Variants in SPAG17 observed in about 807,000 individuals in gnomAD.
SPAG17 encodes sperm-associated antigen 17.
SPAG17 carries 169 observed loss-of-function variants against 273.6 expected under a neutral mutation model. That is an observed-to-expected ratio of 0.62 (90% CI 0.55 to 0.70). The LOEUF is 0.70. Ranked by LOEUF, SPAG17 falls within the 30% of genes least tolerant of loss-of-function variation. The pLI, the probability that SPAG17 is intolerant of heterozygous loss-of-function variation, is 0.00. For synonymous variants in SPAG17, 825 were observed against 873.2 expected (o/e 0.94, Z 0.97); for missense variants, 2,557 against 2,627.8 (o/e 0.97, Z 0.59).
At chr1:117,969,066 A>G (rs1654242646) in intron 46 of SPAG17, among the ~76,000 whole-genome samples, 1 of 152,246 alleles carries the variant, frequency 6.6e-6, no homozygotes, top group South Asian at 2.1e-4. Flanking sequence ...TGATGCACTG[A>G]TAAAGACAAA....
intron 3 of SPAG17, among the ~76,000 whole-genome samples, chr1:118,144,728 G>A (rs913743503): frequency 1.3e-5 from 2 of 152,148 alleles, no homozygotes; most frequent in Non-Finnish European, 2.9e-5. Flanking sequence ...GGAAAGATCC[G>A]CAGATTCTGA....
chr1:118,101,894 A>T lies in SPAG17; in HGVS notation c.480T>A (p.Asp160Glu). 1 of 1,613,104 alleles carries T rather than the reference A, an allele frequency of 6.2e-7. No individual in the cohort carries two copies. Among genetic ancestry groups the T allele is most frequent in the Non-Finnish European group, 8.5e-7 (1 of 1,179,760 alleles). ...VIEDKPKLEKDKGKAKSPKEK... is the reference protein window; with the variant it reads ...VIEDKPKLEKEKGKAKSPKEK... ...CCTTGGGAGATTTTGCTTTCCCTTT[A>T]TCCTTTTCTAACTTAGGTTTGTCTT... Residue 160 changes from aspartate (D) to glutamate (E), a missense_variant, in exon 5 of 49, where the codon GAT becomes GAA. Transcript: ENST00000336338.
intron 48 of SPAG17, chr1:117,955,454 G>A: frequency 8.4e-7 from 1 of 1,193,346 alleles, no homozygotes; most frequent in Non-Finnish European, 1.2e-6. Context: ...ATAATTGATG[G>A]TTATCTTATA....
chr1:118,136,913 T>C (rs1658399618), intron 3 of SPAG17, among the ~76,000 whole-genome samples: 2 of 152,026 alleles, frequency 1.3e-5, no homozygotes, highest in East Asian at 3.9e-4. Context: ...GCATAGGGAA[T>C]TGAAACAAGT....
chr1:118,045,881 C>T (rs916079900), intron 20 of SPAG17, among the ~76,000 whole-genome samples: 1 of 151,976 alleles, frequency 6.6e-6, no homozygotes, highest in Non-Finnish European at 1.5e-5. Flanking sequence ...AAAAAAACAC[C>T]CACAAATTTA....
intron 3 of SPAG17, among the ~76,000 whole-genome samples, chr1:118,149,228 C>T (rs1659238874): frequency 6.6e-6 from 1 of 152,134 alleles, no homozygotes; most frequent in Admixed American, 6.5e-5. Flanking sequence ...AGAGTCTCAG[C>T]ACATATTGGA....
At chr1:118,015,166 T>C (rs1431503273) in intron 29 of SPAG17, among the ~76,000 whole-genome samples, 2 of 151,614 alleles carry the variant, frequency 1.3e-5, no homozygotes, top group African/African-American at 4.9e-5. Flanking sequence ...GTGCCTGTTA[T>C]CCCAGCTACA....
At chr1:117,981,165 T>G (rs1177282156) in intron 43 of SPAG17, 105 bp downstream of exon 43, 1 of 1,298,796 alleles carries the variant, frequency 7.7e-7, no homozygotes, top group African/African-American at 1.5e-5. Context: ...CCCTCTCGAT[T>G]TTTTTCTGTA....
rs746231798 is a variant in SPAG17, at chr1:118,028,394, C to T, written c.3610G>A (p.Glu1204Lys). 1.9e-6 allele frequency: 3 copies of T among 1,612,070 alleles called. No individual in the cohort carries two copies. Among genetic ancestry groups the T allele is most frequent in the Non-Finnish European group, 2.5e-6 (3 of 1,179,360 alleles). The stretch of plus-strand genomic sequence containing the variant: ...ACAGGTTCTGGTTCTACTTCTTCTT[C>T]CTGTAAATAATTCAGCATGTGAATA... ...EEHPKEEEKK[E>K]EEVEPEPVLQ... is the part of the protein sequence containing the mutation. The change falls in exon 26 of 49, where the codon GAA becomes AAA. Residue 1204 changes from glutamate (E) to lysine (K), a missense_variant and splice_region_variant. Glu to Lys is a moderately conservative substitution (Grantham distance 56). Coordinates refer to ENST00000336338, the MANE Select transcript of SPAG17 (RefSeq NM_206996.4).
At chr1:118,103,840 A>AGTGTGTGTGTGT (rs60797775) in intron 4 of SPAG17, among the ~76,000 whole-genome samples, 21,531 of 136,032 alleles carry the variant, frequency 0.16, 1,996 homozygotes, top group East Asian at 0.27. Context: ...GGGAAAATGT[A>AGTGTGTGTGTGT]GTGTGTGTGT....
At chr1:118,064,243 C>T (rs978807036) in intron 18 of SPAG17, among the ~76,000 whole-genome samples, 3 of 152,032 alleles carry the variant, frequency 2.0e-5, no homozygotes, top group Non-Finnish European at 4.4e-5. Context: ...TGAGTATATA[C>T]ACAAAGGATT....
At position 117,987,777 on chromosome 1, in the gene SPAG17, T is replaced by A. The variant is rs374417263; in HGVS notation, c.5669+57A>T. The A allele has an allele frequency of 1.7e-5, 27 of 1,577,486 alleles. No homozygotes were observed. In the African/African-American group the frequency reaches 3.1e-4, roughly 18 times the overall value. On this transcript the variant is annotated intron_variant, in intron 40 of 48. Transcript: ENST00000336338. ...CAGGACATTTTGGCCTATCCCATTCTCAGTCTATTACTCTGGGCCCTTTCA... is the reference window on the plus strand; with the variant it reads ...CAGGACATTTTGGCCTATCCCATTCACAGTCTATTACTCTGGGCCCTTTCA...
At chr1:118,023,764 C>A (rs1326925819) in intron 27 of SPAG17, among the ~76,000 whole-genome samples, 1 of 151,656 alleles carries the variant, frequency 6.6e-6, no homozygotes, top group East Asian at 1.9e-4. Context: ...TTTTTCCATT[C>A]TTCACCTTTC....
intron 18 of SPAG17, among the ~76,000 whole-genome samples, chr1:118,059,178 A>C (rs972812089): frequency 6.6e-6 from 1 of 152,138 alleles, no homozygotes; most frequent in African/African-American, 2.4e-5. Flanking sequence ...AGTTACAGAC[A>C]ATTGATCCTT....
intron 15 of SPAG17, chr1:118,076,427 A>C (rs999246077): frequency 2.0e-5 from 3 of 152,178 alleles, no homozygotes; most frequent in African/African-American, 7.2e-5. Context: ...CAGCCAATTC[A>C]GTTCAGCATT....
intron 26 of SPAG17, among the ~76,000 whole-genome samples, chr1:118,026,424 T>A (rs1432955732): frequency 1.3e-5 from 2 of 152,192 alleles, no homozygotes; most frequent in Admixed American, 1.3e-4. Flanking sequence ...AATGATAGCA[T>A]TTTAAGAACT....
intron 3 of SPAG17, among the ~76,000 whole-genome samples, chr1:118,117,736 G>A (rs1000600214): frequency 2.6e-5 from 4 of 152,306 alleles, no homozygotes; most frequent in East Asian, 3.9e-4. Flanking sequence ...GACTTGATGC[G>A]CCACATCCTG....
chr1:118,084,263 A>G (rs1654822930), intron 13 of SPAG17, among the ~76,000 whole-genome samples: 1 of 152,196 alleles, frequency 6.6e-6, no homozygotes, highest in Non-Finnish European at 1.5e-5. Flanking sequence ...GGCTTTTTCT[A>G]TTACTAAGCC....
rs564698204 is a variant in SPAG17 at position 118,148,543 on chromosome 1, C to T, written c.315+2000G>A. Among the ~76,000 whole-genome samples the T allele has an allele frequency of 9.4e-4, 143 of 151,910 alleles. 1 individual carries two copies. The highest frequency in any genetic ancestry group is 3.2e-3 in the African/African-American group (134 of 41,482). ...TCCATTTTACAGAGTGCTGATTGGCCCATTTTTACAGAATGCTGATTGATG... is the reference window on the plus strand; with the variant it reads ...TCCATTTTACAGAGTGCTGATTGGCTCATTTTTACAGAATGCTGATTGATG... On this transcript the variant is annotated intron_variant, in intron 3 of 48. Transcript: ENST00000336338.
Sources: allele counts gnomAD v4.1 joint callset (sites outside exome capture counted in the v4.1 genomes callset), GRCh38; gene constraint gnomAD v4.1.1; transcripts MANE v1.5; gene names NCBI Gene and HGNC (gene_info 2026-07-23, HGNC 2026-07-21).